LRRC43: variants seen among roughly 807,000 people sequenced by gnomAD.
The protein encoded by LRRC43 is leucine rich repeat containing 43, also known as leucine-rich repeat-containing protein 43.
In LRRC43, 62 loss-of-function variants were observed where a neutral mutation model predicts 64.3. That is an observed-to-expected ratio of 0.96 (90% confidence interval 0.79 to 1.19). The LOEUF (loss-of-function observed/expected upper bound fraction) is 1.19, where lower values mean the gene tolerates loss of function less well. Ranked by LOEUF, LRRC43 falls within the 50% of genes most tolerant of loss-of-function variation. The pLI is 0.00. For synonymous variants in LRRC43, 422 were observed against 382.3 expected, an observed-to-expected ratio of 1.10 and a Z score of -1.21; for missense variants, 868 against 845.0, an observed-to-expected ratio of 1.03 and a Z score of -0.34.
Position 122,192,758 on chromosome 12 carries a change from C to T in LRRC43, c.1103C>T (p.Ser368Phe). The T allele has an allele frequency of 1.2e-6, 2 of 1,613,660 alleles. No individual in the cohort carries two copies. The highest frequency in any genetic ancestry group is 2.2e-5 in the East Asian group (1 of 44,866). Residue 368 changes from serine to phenylalanine, a missense_variant, in exon 7 of 12, where the codon TCT becomes TTT. By Grantham distance (155) the Ser-to-Phe change is radical. Coordinates refer to ENST00000339777, the MANE Select transcript of LRRC43 (RefSeq NM_001098519.2). ...AGVLAEIVKP[S>F]PSLELLVEES... Reference sequence around the variant, plus strand: ...CTCTTCCTGCAGATCGTCAAGCCCTCTCCCAGCTTAGAATTATTAGTTGAG... The same window carrying T: ...CTCTTCCTGCAGATCGTCAAGCCCTTTCCCAGCTTAGAATTATTAGTTGAG...
At chr12:122,196,565 T>C (rs57302703) in intron 7 of LRRC43, among the ~76,000 whole-genome samples, 7,562 of 151,958 alleles carry the variant, frequency 0.05, 584 homozygotes, top group African/African-American at 0.17. Flanking sequence ...GTCAGGAGTT[T>C]GAGATCAGTC....
chr12:122,203,214 T>G, intron 11 of LRRC43, 101 bp from the exon 12 acceptor site: 1 of 1,330,456 alleles, frequency 7.5e-7, no homozygotes, highest in Non-Finnish European at 1.0e-6. Context: ...GTGCTCCCGC[T>G]GGGACAGGGT....
rs564397722 is a variant in LRRC43 at position 122,184,083 on chromosome 12, T to C, written c.151-436T>C. ...AATAATCCATCAAAATTATTGATTA[T>C]TCACTGTCTAGATTTTTTTTTTTTT... On this transcript the variant is annotated intron_variant, in intron 1 of 11. Coordinates refer to ENST00000339777, the MANE Select transcript of LRRC43 (RefSeq NM_001098519.2). The surrounding 1 kb of genome is among the most constrained non-coding windows in gnomAD (Gnocchi z 4.0). Among the ~76,000 whole-genome samples, 74 of 147,090 alleles carry C rather than the reference T, an allele frequency of 5.0e-4. No individual in the cohort carries two copies. Among genetic ancestry groups the C allele is most frequent in the Middle Eastern group, 6.8e-3 (2 of 292 alleles).
rs371060955 is a variant in LRRC43, at chr12:122,183,311, C to T, written c.150+17C>T. ...GGCAGCTGGGTGCGGGCGCCGGGGC[C>T]GGAACTCTGGGGGCCTGGACCGGCT... is the stretch of plus-strand genomic sequence containing the variant. On this transcript the variant is annotated intron_variant, in intron 1 of 11. Transcript: ENST00000339777. 1.8e-4 allele frequency: 261 copies of T among 1,480,060 alleles called. No homozygotes were observed. Among genetic ancestry groups the T allele is most frequent in the Middle Eastern group, 7.8e-4 (4 of 5,118 alleles). 91.7% of individuals were successfully genotyped at this position (1,480,060 alleles called of 1,614,324 possible). A position where few individuals can be genotyped will look rare whatever the true frequency, so the allele number is the denominator to read the frequency against.
chr12:122,182,741 A>C (rs1364306042), upstream of LRRC43, among the ~76,000 whole-genome samples: 1 of 152,092 alleles, frequency 6.6e-6, no homozygotes, highest in Non-Finnish European at 1.5e-5. Context: ...CTGGGTGATT[A>C]AACAGTTATA....
chr12:122,199,226 A>G (rs1953805482), intron 7 of LRRC43, among the ~76,000 whole-genome samples: 2 of 150,964 alleles, frequency 1.3e-5, no homozygotes, highest in South Asian at 4.2e-4. Context: ...AGACTTAGGA[A>G]ACTCCAGTCC....
intron 1 of LRRC43, among the ~76,000 whole-genome samples, chr12:122,171,180 C>T (rs1206837121): frequency 3.9e-5 from 6 of 151,928 alleles, no homozygotes; most frequent in African/African-American, 1.4e-4. Flanking sequence ...GCATTGACAG[C>T]CTGTGAGGCC....
chr12:122,184,884 G>T lies in LRRC43; in HGVS notation c.411+105G>T. The stretch of plus-strand genomic sequence containing the variant: ...CAGCGCGTCAGGGATCCTGCTTTCA[G>T]GGCTGAAACGAAGGCCAGCCTGCCC... On this transcript the variant is annotated intron_variant, in intron 2 of 11. Coordinates refer to ENST00000339777, the MANE Select transcript of LRRC43 (RefSeq NM_001098519.2). This position sits in a 1 kb window ranked among gnomAD's most constrained non-coding sequence, Gnocchi z 4.0. 7.6e-7 allele frequency: 1 copy of T among 1,314,756 alleles called. No homozygotes were observed. 81.4% of individuals were successfully genotyped at this position (1,314,756 alleles called of 1,614,324 possible). A position where few individuals can be genotyped will look rare whatever the true frequency, so the allele number is the denominator to read the frequency against.
At chr12:122,185,075 G>C in intron 2 of LRRC43, among the ~76,000 whole-genome samples, 1 of 152,212 alleles carries the variant, frequency 6.6e-6, no homozygotes, top group Admixed American at 6.5e-5. Context: ...TGAAGGGTCT[G>C]TGTTAGTTTT....
In LRRC43 at chr12:122,184,419, C is replaced by A; in HGVS notation, c.151-100C>A. On this transcript the variant is annotated intron_variant, in intron 1 of 11. Coordinates refer to ENST00000339777, the MANE Select transcript of LRRC43 (RefSeq NM_001098519.2). This position sits in a 1 kb window ranked among gnomAD's most constrained non-coding sequence, Gnocchi z 4.0. ...TACTCTCTAGATTTCTAAACTCTAT[C>A]CCTAATCGTCCAGTTTTATGATCTG... 2 of 1,424,056 alleles carry A rather than the reference C, an allele frequency of 1.4e-6. No homozygotes were observed. Among genetic ancestry groups the A allele is most frequent in the Non-Finnish European group, 1.9e-6 (2 of 1,056,258 alleles). The allele number at this position is 1,424,056 out of a possible 1,614,324, so 88.2% of individuals were successfully genotyped here.
Position 122,192,841 on chromosome 12 carries a change from G to GTC in LRRC43, c.1186_1187insTC (p.Glu396ValfsTer43). On this transcript the variant is annotated frameshift_variant, in exon 7 of 12. Coordinates refer to ENST00000339777, the MANE Select transcript of LRRC43 (RefSeq NM_001098519.2). LOFTEE classifies it high-confidence loss of function. ...CGAAGACATTGTTGAAGAGGTTACT[G>GTC]AAGAGGTCGAAGGGTCTCTGGAGTC... 6.2e-7 allele frequency: 1 copy of GTC among 1,614,202 alleles called. No individual in the cohort carries two copies. The highest frequency in any genetic ancestry group is 8.5e-7 in the Non-Finnish European group (1 of 1,180,036).
rs556723472 is a variant in LRRC43 at position 122,169,451 on chromosome 12, C to T, written c.-406+1669C>T. Among the ~76,000 whole-genome samples, 5 of 152,236 alleles carry T rather than the reference C, an allele frequency of 3.3e-5. No homozygotes were observed. The East Asian group carries it at 9.6e-4, about 29-fold the overall frequency. On this transcript the variant is annotated intron_variant, in intron 1 of 5. Coordinates refer to the LRRC43 transcript ENST00000537729. ...AGAATTCTAGTTGGGCGCAGTGGCT[C>T]ATTCCTGTAATTCCAGCACTTTGGG... is the stretch of plus-strand genomic sequence containing the variant.
chr12:122,194,977 C>G (rs1953760765), intron 7 of LRRC43, among the ~76,000 whole-genome samples: 1 of 152,030 alleles, frequency 6.6e-6, no homozygotes, highest in African/African-American at 2.4e-5. Flanking sequence ...TACATGATTA[C>G]CTTTATTGGT....
At chr12:122,193,724 T>G (rs1350572368) in intron 7 of LRRC43, among the ~76,000 whole-genome samples, 2 of 152,154 alleles carry the variant, frequency 1.3e-5, no homozygotes, top group Admixed American at 6.6e-5. Context: ...CATGCCCAGC[T>G]AATTTTTATA....
At position 122,170,700 on chromosome 12, in the gene LRRC43, A is replaced by C. The variant is rs981411899; in HGVS notation, c.-406+2918A>C. 2.7e-4 allele frequency among the ~76,000 whole-genome samples: 41 copies of C among 152,312 alleles called. 1 individual carries two copies. Among genetic ancestry groups the C allele is most frequent in the African/African-American group, 9.1e-4 (38 of 41,572 alleles). On this transcript the variant is annotated intron_variant, in intron 1 of 5. Transcript: ENST00000537729. ...CTGTGAGAATAAAAATGAGAAGTCC[A>C]AGACTGAAGTGCGTGTCTCAGAGTC...
At chr12:122,203,162 A>C (rs561631460) in intron 11 of LRRC43, among the ~76,000 whole-genome samples, 153 bp from the exon 12 acceptor site, 1 of 152,316 alleles carries the variant, frequency 6.6e-6, no homozygotes, top group East Asian at 1.9e-4. Flanking sequence ...AATACAATTT[A>C]ATTTTATTTC....
At position 122,192,798 on chromosome 12, in the gene LRRC43, G is replaced by A; in HGVS notation, c.1143G>A (p.Glu381=). The change falls in exon 7 of 12, where the codon GAG becomes GAA. Residue 381 remains glutamate (E), a synonymous_variant. Transcript: ENST00000339777. ...LELLVEESPE[E]VVEDVIEDIV... ...TATTAGTTGAGGAATCTCCTGAAGA[G>A]GTCGTGGAAGACGTCATCGAAGACA... 1 of 1,614,180 alleles carries A rather than the reference G, an allele frequency of 6.2e-7. No homozygotes were observed. Among genetic ancestry groups the A allele is most frequent in the Non-Finnish European group, 8.5e-7 (1 of 1,180,020 alleles).
intron 1 of LRRC43, among the ~76,000 whole-genome samples, chr12:122,174,603 C>T (rs772406233): frequency 2.0e-5 from 3 of 152,092 alleles, no homozygotes; most frequent in South Asian, 2.1e-4. Context: ...GGAGGAAATG[C>T]GAAGCCGGCA....
At position 122,200,766 on chromosome 12, in the gene LRRC43, GAAGA is replaced by G. The variant is rs780833546; in HGVS notation, c.1646_1649del (p.Lys549SerfsTer21). On this transcript the variant is annotated frameshift_variant, in exon 10 of 12. Transcript: ENST00000339777. LOFTEE classifies it high-confidence loss of function. This position sits in a 1 kb window ranked among gnomAD's most constrained non-coding sequence, Gnocchi z 4.6. ...CGCAGGAGTGGAAGGTGCTGAAGAAGAAGAAAGAGCCGCCCAAGGAGCTCCGGCA... is the reference window on the plus strand; with the variant it reads ...CGCAGGAGTGGAAGGTGCTGAAGAAGAAGAGCCGCCCAAGGAGCTCCGGCA... The G allele has an allele frequency of 3.5e-5, 56 of 1,612,826 alleles. No individual in the cohort carries two copies. The highest frequency in any genetic ancestry group is 4.7e-5 in the Non-Finnish European group (56 of 1,180,008).
Sources: allele counts gnomAD v4.1 joint callset (sites outside exome capture counted in the v4.1 genomes callset), GRCh38; gene constraint gnomAD v4.1.1; non-coding constraint Gnocchi (gnomAD v3.1); transcripts MANE v1.5; gene names NCBI Gene and HGNC (gene_info 2026-07-23, HGNC 2026-07-21).